Variants in RABGAP1L observed in about 807,000 individuals in gnomAD.
RABGAP1L encodes rab GTPase-activating protein 1-like.
In RABGAP1L, 63 loss-of-function variants were observed where a neutral mutation model predicts 137.7. That is an observed-to-expected ratio of 0.46 (90% CI 0.37 to 0.56). The LOEUF (loss-of-function observed/expected upper bound fraction) is 0.56. RABGAP1L is among the 20% of genes least tolerant of loss of function. The pLI, the probability that RABGAP1L is intolerant of heterozygous loss-of-function variation, is 0.00. For missense variants in RABGAP1L, 1,095 were observed against 1,244.0 expected (o/e 0.88, Z 1.80); for synonymous variants, 431 against 433.7 (o/e 0.99, Z 0.08).
intron 19 of RABGAP1L, among the ~76,000 whole-genome samples, chr1:174,864,224 T>C (rs1650815452): frequency 6.6e-6 from 1 of 152,194 alleles, no homozygotes; most frequent in East Asian, 1.9e-4. Flanking sequence ...GGTGCTGTCA[T>C]TTTGCAATGT....
intron 13 of RABGAP1L, among the ~76,000 whole-genome samples, chr1:174,596,133 A>T (rs1454542473): frequency 7.3e-6 from 1 of 136,316 alleles, no homozygotes; most frequent in Non-Finnish European, 1.5e-5. Flanking sequence ...TGCGTCCGTC[A>T]CCCCTTTCTT....
intron 10 of RABGAP1L, among the ~76,000 whole-genome samples, chr1:174,289,040 G>A (rs1676334304): frequency 6.6e-6 from 1 of 152,060 alleles, no homozygotes; most frequent in Non-Finnish European, 1.5e-5. Flanking sequence ...TCAGCTTTAT[G>A]ATTTTTTGTA....
At chr1:174,842,597 T>G (rs1693534933) in intron 19 of RABGAP1L, among the ~76,000 whole-genome samples, 1 of 152,152 alleles carries the variant, frequency 6.6e-6, no homozygotes, top group Non-Finnish European at 1.5e-5. Flanking sequence ...AAATTCAGTC[T>G]CAAAGAGGAT....
intron 15 of RABGAP1L, among the ~76,000 whole-genome samples, chr1:174,686,973 G>C (rs1678521701): frequency 6.6e-6 from 1 of 151,692 alleles, no homozygotes; most frequent in Admixed American, 6.6e-5. Context: ...AGTGATCTTT[G>C]AACATACCGT....
intron 11 of RABGAP1L, among the ~76,000 whole-genome samples, chr1:174,359,495 A>G (rs1683952272): frequency 6.6e-6 from 1 of 152,094 alleles, no homozygotes; most frequent in Non-Finnish European, 1.5e-5. Context: ...TTACCCCTTG[A>G]AGTCTCTCAA....
At chr1:174,415,404 G>T (rs1490093457) in intron 13 of RABGAP1L, among the ~76,000 whole-genome samples, 2 of 151,880 alleles carry the variant, frequency 1.3e-5, no homozygotes, top group African/African-American at 4.8e-5. Flanking sequence ...TGTATTGCTG[G>T]ATTGGAATAT....
chr1:174,622,422 C>T (rs543547846), intron 13 of RABGAP1L, among the ~76,000 whole-genome samples: 1 of 152,266 alleles, frequency 6.6e-6, no homozygotes, highest in East Asian at 1.9e-4. Flanking sequence ...TATTGCGGCA[C>T]TATTCACAAT....
intron 11 of RABGAP1L, among the ~76,000 whole-genome samples, chr1:174,315,386 G>A (rs149731744): frequency 3.3e-5 from 5 of 152,110 alleles, no homozygotes; most frequent in Middle Eastern, 6.8e-3. Flanking sequence ...ATATGTGTCC[G>A]TGTAGGTGAA....
In RABGAP1L at chr1:174,832,483, A is replaced by G. The variant is rs1203461791; in HGVS notation, c.2340+20523A>G. Among the ~76,000 whole-genome samples the G allele has an allele frequency of 7.4e-5, 11 of 147,776 alleles. 2 individuals carry two copies. Among genetic ancestry groups the G allele is most frequent in the Admixed American group, 7.4e-4 (11 of 14,788 alleles). ...TTTGCCTCTTTGGCTGATGTTCCCC[A>G]CTATTCTAGATGAACTGCGCCCAAA... On this transcript the variant is annotated intron_variant, in intron 19 of 25. Coordinates refer to ENST00000681986, the MANE Select transcript of RABGAP1L (RefSeq NM_001366446.1).
At chr1:174,692,173 A>G (rs1293407418) in intron 15 of RABGAP1L, among the ~76,000 whole-genome samples, 1 of 152,114 alleles carries the variant, frequency 6.6e-6, no homozygotes, top group Non-Finnish European at 1.5e-5. Flanking sequence ...AGGCAGATAT[A>G]TGCAGAATTT....
At chr1:174,500,589 G>A (rs1228936771) in intron 13 of RABGAP1L, among the ~76,000 whole-genome samples, 1 of 152,188 alleles carries the variant, frequency 6.6e-6, no homozygotes, top group Non-Finnish European at 1.5e-5. Flanking sequence ...TCACAGTAGT[G>A]TGATAAGTAT....
chr1:174,457,308 G>A (rs1249892938), intron 13 of RABGAP1L, among the ~76,000 whole-genome samples: 2 of 152,002 alleles, frequency 1.3e-5, no homozygotes, highest in African/African-American at 4.8e-5. Context: ...ACTTTGGAAT[G>A]CAGTGTAAGT....
chr1:174,861,517 G>T (rs957838069), intron 19 of RABGAP1L, among the ~76,000 whole-genome samples: 1 of 152,026 alleles, frequency 6.6e-6, no homozygotes, highest in Non-Finnish European at 1.5e-5. Context: ...TTTTATATTT[G>T]AAGATCCTCT....
intron 15 of RABGAP1L, among the ~76,000 whole-genome samples, chr1:174,690,202 C>A (rs1464671744): frequency 6.6e-6 from 1 of 152,160 alleles, no homozygotes; most frequent in African/African-American, 2.4e-5. Flanking sequence ...TGGTTTAATA[C>A]CTTTCAAGTT....
At chr1:174,720,817 A>G (rs945953046) in intron 17 of RABGAP1L, among the ~76,000 whole-genome samples, 3 of 152,230 alleles carry the variant, frequency 2.0e-5, no homozygotes, top group African/African-American at 7.2e-5. Context: ...GAGATGATGC[A>G]ATGTTCAGGA....
At chr1:174,585,712 C>G (rs1201347068) in intron 13 of RABGAP1L, among the ~76,000 whole-genome samples, 1 of 152,194 alleles carries the variant, frequency 6.6e-6, no homozygotes, top group Non-Finnish European at 1.5e-5. Context: ...TTCCAAAGAC[C>G]AAGCCCTTGA....
chr1:174,633,000 T>A (rs910131723), intron 13 of RABGAP1L, among the ~76,000 whole-genome samples: 10 of 152,142 alleles, frequency 6.6e-5, no homozygotes, highest in Admixed American at 6.6e-4. Flanking sequence ...TTTTCTGTTC[T>A]GTTTTTTCCC....
chr1:174,372,388 T>C (rs951505922), intron 12 of RABGAP1L, among the ~76,000 whole-genome samples: 1 of 152,156 alleles, frequency 6.6e-6, no homozygotes, highest in African/African-American at 2.4e-5. Flanking sequence ...TTTGGTTGGT[T>C]ATAGGCAGTG....
intron 19 of RABGAP1L, among the ~76,000 whole-genome samples, chr1:174,866,611 T>C (rs181866548): frequency 1.4e-3 from 216 of 152,260 alleles, no homozygotes; most frequent in African/African-American, 5.1e-3. Context: ...GAATGCCTTA[T>C]ATAATAAATA....
Sources: allele counts gnomAD v4.1 joint callset (sites outside exome capture counted in the v4.1 genomes callset), GRCh38; gene constraint gnomAD v4.1.1; transcripts MANE v1.5; gene names NCBI Gene and HGNC (gene_info 2026-07-23, HGNC 2026-07-21).